Variants in ASTN2 observed in about 807,000 individuals in gnomAD.
ASTN2 encodes astrotactin-2.
A neutral mutation model predicts 139.8 loss-of-function variants in ASTN2; 54 were observed. The observed-to-expected ratio is 0.39, with a 90% CI of 0.31 to 0.48. The LOEUF (loss-of-function observed/expected upper bound fraction) is 0.48. Ranked by LOEUF, ASTN2 falls within the 20% of genes least tolerant of loss-of-function variation. The probability of loss-of-function intolerance (pLI) is 0.95; values close to 1 mark genes in which losing one functional copy is unlikely to be tolerated. For synonymous variants in ASTN2, 756 were observed against 719.5 expected, an observed-to-expected ratio of 1.05 and a Z score of -0.81; for missense variants, 1,565 against 1,725.1, an observed-to-expected ratio of 0.91 and a Z score of 1.64.
chr9:116,535,764 C>A (rs1036097219), intron 19 of ASTN2, among the ~76,000 whole-genome samples: 1 of 152,140 alleles, frequency 6.6e-6, no homozygotes, highest in Non-Finnish European at 1.5e-5. Flanking sequence ...GGTAACCCGA[C>A]CTTTCTCTCT....
rs1281252808 is a variant in ASTN2 at position 116,462,787 on chromosome 9, CATGTGT to C, written c.3498-20240_3498-20235del. ...TCTTTAAGGGTAAGTGTTGGGTGAG[CATGTGT>C]GTGTGTGTGTGTGTGTGTGTGTGTG... On this transcript the variant is annotated intron_variant, in intron 20 of 22. Transcript: ENST00000313400. Among the ~76,000 whole-genome samples, 347 of 97,634 alleles carry C rather than the reference CATGTGT, an allele frequency of 3.6e-3. 1 individual carries two copies. Among genetic ancestry groups the C allele is most frequent in the African/African-American group, 0.012 (338 of 27,418 alleles). The allele number at this position is 97,634 out of a possible 152,430, so 64.1% of individuals were successfully genotyped here.
chr9:117,034,391 C>A (rs1281896831), intron 6 of ASTN2, among the ~76,000 whole-genome samples: 1 of 152,144 alleles, frequency 6.6e-6, no homozygotes, highest in East Asian at 1.9e-4. Context: ...TAAGAATAGA[C>A]CACTCACATT....
At chr9:116,801,409 C>T (rs915499208) in intron 13 of ASTN2, among the ~76,000 whole-genome samples, 15 of 151,256 alleles carry the variant, frequency 9.9e-5, no homozygotes, top group Admixed American at 5.3e-4. Flanking sequence ...AGCGAAACCC[C>T]GTCTCTACTA....
intron 1 of ASTN2, among the ~76,000 whole-genome samples, chr9:117,344,092 G>A (rs889867530): frequency 1.3e-5 from 2 of 151,996 alleles, no homozygotes; most frequent in African/African-American, 4.8e-5. Context: ...TTCCAGTAGA[G>A]AGACATGGGG....
At chr9:116,626,845 G>T (rs1234286086) in intron 17 of ASTN2, among the ~76,000 whole-genome samples, 1 of 152,128 alleles carries the variant, frequency 6.6e-6, no homozygotes, top group Non-Finnish European at 1.5e-5. Flanking sequence ...TATCATAGCA[G>T]TGCTGCAAAA....
intron 1 of ASTN2, among the ~76,000 whole-genome samples, chr9:117,307,373 C>T (rs1190114003): frequency 1.3e-5 from 2 of 152,216 alleles, no homozygotes; most frequent in East Asian, 3.9e-4. Flanking sequence ...CTCACACACA[C>T]ATTCTATAAA....
chr9:116,882,550 C>T (rs868291928), intron 10 of ASTN2, among the ~76,000 whole-genome samples: 8 of 152,056 alleles, frequency 5.3e-5, no homozygotes, highest in Non-Finnish European at 7.4e-5. Flanking sequence ...GTCATGAGTA[C>T]GGAGGCAGAA....
intron 10 of ASTN2, among the ~76,000 whole-genome samples, chr9:116,924,527 T>C (rs1049829994): frequency 2.6e-5 from 4 of 152,006 alleles, no homozygotes; most frequent in Non-Finnish European, 5.9e-5. Context: ...TTATTAATTA[T>C]ATGCTAAACA....
intron 19 of ASTN2, chr9:116,546,671 T>C (rs1564104676): frequency 6.6e-6 from 1 of 152,178 alleles, no homozygotes; most frequent in South Asian, 2.1e-4. Flanking sequence ...AACATTATAA[T>C]AGAATGGGGA....
intron 5 of ASTN2, among the ~76,000 whole-genome samples, chr9:117,053,443 C>T (rs770231846): frequency 6.8e-6 from 1 of 148,010 alleles, no homozygotes; most frequent in Admixed American, 6.7e-5. Flanking sequence ...TAGAGAGAGA[C>T]CCTGTCTCTT....
intron 10 of ASTN2, among the ~76,000 whole-genome samples, chr9:116,878,122 A>T (rs1164512901): frequency 6.6e-6 from 1 of 152,238 alleles, no homozygotes; most frequent in East Asian, 1.9e-4. Context: ...AATGTAAATT[A>T]GTTCATCCAT....
At chr9:116,608,443 G>C (rs2416565) in intron 19 of ASTN2, among the ~76,000 whole-genome samples, 66,443 of 151,972 alleles carry the variant, frequency 0.44, 15,403 homozygotes, top group East Asian at 0.72. Flanking sequence ...TCCTCCCTTA[G>C]TAGTAGACAA....
chr9:117,130,391 G>C (rs1782270691), intron 4 of ASTN2, among the ~76,000 whole-genome samples: 1 of 151,976 alleles, frequency 6.6e-6, no homozygotes, highest in Non-Finnish European at 1.5e-5. Flanking sequence ...GATGCTTTGG[G>C]GTTTATTCCT....
At chr9:117,215,989 G>C (rs1248977644) in intron 2 of ASTN2, among the ~76,000 whole-genome samples, 1 of 152,118 alleles carries the variant, frequency 6.6e-6, no homozygotes, top group Non-Finnish European at 1.5e-5. Context: ...TATTTTGTTT[G>C]TTTTTGCTTT....
chr9:116,846,755 G>A (rs1174834787), intron 11 of ASTN2, among the ~76,000 whole-genome samples: 1 of 152,110 alleles, frequency 6.6e-6, no homozygotes, highest in Non-Finnish European at 1.5e-5. Flanking sequence ...TCCCATCTTG[G>A]ACATTCTATG....
intron 1 of ASTN2, among the ~76,000 whole-genome samples, chr9:117,319,841 G>T (rs909465303): frequency 6.6e-6 from 1 of 152,114 alleles, no homozygotes; most frequent in Non-Finnish European, 1.5e-5. Flanking sequence ...TGCACATGAA[G>T]GCGGTAATTC....
At position 117,263,579 on chromosome 9, in the gene ASTN2, C is replaced by T. The variant is rs1380291237; in HGVS notation, c.630+27747G>A. ...CATTGATTCTTACGTCCTGAGGCCA[C>T]ACAGGACAATTTTAACTCCTATTTC... On this transcript the variant is annotated intron_variant, in intron 2 of 22. Coordinates refer to ENST00000313400, the MANE Select transcript of ASTN2 (RefSeq NM_001365068.1). Among the ~76,000 whole-genome samples the T allele has an allele frequency of 2.0e-5, 3 of 152,304 alleles. 1 individual carries two copies. Among genetic ancestry groups the T allele is most frequent in the Middle Eastern group, 6.8e-3 (2 of 294 alleles).
At chr9:117,071,129 C>T (rs1828109984) in intron 5 of ASTN2, among the ~76,000 whole-genome samples, 1 of 150,012 alleles carries the variant, frequency 6.7e-6, no homozygotes, top group Non-Finnish European at 1.5e-5. Context: ...TTTTTTTCCC[C>T]ATCTTTGTGG....
chr9:117,386,222 T>G (rs1830396825), intron 1 of ASTN2, among the ~76,000 whole-genome samples: 1 of 150,576 alleles, frequency 6.6e-6, no homozygotes, highest in Admixed American at 6.6e-5. Flanking sequence ...TCACATAGAG[T>G]TTCATAGAAA....
Sources: gnomAD v4.1 joint callset for allele counts (sites outside exome capture counted in the v4.1 genomes callset) on GRCh38, gnomAD v4.1.1 for gene constraint, MANE v1.5 for transcripts, NCBI Gene and HGNC (gene_info 2026-07-23, HGNC 2026-07-21) for gene names.